Variants in CWF19L2 observed in about 807,000 individuals in gnomAD.
CWF19L2 encodes CWF19-like protein 2.
CWF19L2 carries 98 observed loss-of-function variants against 111.7 expected under a neutral mutation model. That is an observed-to-expected ratio of 0.88 (90% CI 0.75 to 1.04). The LOEUF is 1.04. CWF19L2 is among the 50% of genes least tolerant of loss of function. The probability of loss-of-function intolerance (pLI) is 0.00; values close to 1 mark genes in which losing one functional copy is unlikely to be tolerated. For synonymous variants in CWF19L2, 351 were observed against 342.9 expected (o/e 1.02, Z -0.26); for missense variants, 1,101 against 1,051.4 (o/e 1.05, Z -0.65).
chr11:107,416,625 G>C (rs1298073286), intron 9 of CWF19L2, among the ~76,000 whole-genome samples: 1 of 151,948 alleles, frequency 6.6e-6, no homozygotes, highest in Non-Finnish European at 1.5e-5. Context: ...TTTCAACTTC[G>C]GTTATTGGTA....
intron 12 of CWF19L2, among the ~76,000 whole-genome samples, chr11:107,389,210 A>C (rs1399866463): frequency 6.6e-6 from 1 of 152,212 alleles, no homozygotes; most frequent in African/African-American, 2.4e-5. Flanking sequence ...TCCCACTACC[A>C]AAAAGTAACC....
chr11:107,385,364 C>G (rs960189659), intron 12 of CWF19L2, among the ~76,000 whole-genome samples: 2 of 151,268 alleles, frequency 1.3e-5, no homozygotes, highest in Non-Finnish European at 2.9e-5. Flanking sequence ...ACACATTTGT[C>G]AAGATATTAA....
chr11:107,361,207 G>C (rs1860328418), intron 12 of CWF19L2, among the ~76,000 whole-genome samples: 1 of 152,214 alleles, frequency 6.6e-6, no homozygotes, highest in African/African-American at 2.4e-5. Flanking sequence ...TTACTGAAAA[G>C]AGTATCTTTT....
At chr11:107,393,064 CT>C (rs1860872279) in intron 10 of CWF19L2, among the ~76,000 whole-genome samples, 169 bp from the exon 11 acceptor site, 2 of 152,156 alleles carry the variant, frequency 1.3e-5, no homozygotes, top group South Asian at 4.1e-4. Flanking sequence ...TGAACATAAT[CT>C]TTTGGGGAAA....
intron 16 of CWF19L2, among the ~76,000 whole-genome samples, chr11:107,334,627 A>G (rs1350145519): frequency 1.3e-5 from 2 of 152,360 alleles, no homozygotes; most frequent in East Asian, 3.9e-4. Context: ...AATAGCTGCC[A>G]TAGCCAATTA....
At chr11:107,337,976 A>G (rs940367431) in intron 14 of CWF19L2, among the ~76,000 whole-genome samples, 2 of 152,192 alleles carry the variant, frequency 1.3e-5, no homozygotes, top group African/African-American at 4.8e-5. Context: ...TATCACAACC[A>G]GGATATTGAC....
chr11:107,434,156 G>C (rs1239476163), intron 6 of CWF19L2, among the ~76,000 whole-genome samples: 1 of 151,520 alleles, frequency 6.6e-6, no homozygotes, highest in Non-Finnish European at 1.5e-5. Context: ...TTTCAAACAG[G>C]CAAGGGTAGG....
At chr11:107,353,464 T>A (rs1013492431) in intron 13 of CWF19L2, 60 bp downstream of exon 13, 8 of 1,275,258 alleles carry the variant, frequency 6.3e-6, no homozygotes, top group Non-Finnish European at 7.8e-6. Context: ...CAAGTTATTC[T>A]ATGAAGAAAC....
intron 10 of CWF19L2, chr11:107,403,511 T>C: frequency 1.2e-6 from 1 of 834,304 alleles, no homozygotes; most frequent in Non-Finnish European, 2.1e-6. Flanking sequence ...TGCCATACTG[T>C]CAACCCCCTC....
intron 12 of CWF19L2, among the ~76,000 whole-genome samples, chr11:107,365,094 G>A (rs1460160959): frequency 2.3e-5 from 3 of 130,050 alleles, no homozygotes; most frequent in South Asian, 2.4e-4. Flanking sequence ...TAAATTCCTC[G>A]ACACATACAC....
chr11:107,362,356 T>A (rs371635926), intron 12 of CWF19L2, among the ~76,000 whole-genome samples: 20 of 151,964 alleles, frequency 1.3e-4, no homozygotes, highest in African/African-American at 4.8e-4. Context: ...TCTGTAGGCT[T>A]CACCTCTGGG....
chr11:107,447,996 A>G (rs1565289598), intron 3 of CWF19L2, among the ~76,000 whole-genome samples: 1 of 152,256 alleles, frequency 6.6e-6, no homozygotes, highest in Admixed American at 6.5e-5. Flanking sequence ...AAAATACAGT[A>G]CCTGAAATGA....
intron 1 of CWF19L2, among the ~76,000 whole-genome samples, chr11:107,456,188 G>C (rs1009150080): frequency 6.6e-6 from 1 of 151,998 alleles, no homozygotes; most frequent in Admixed American, 6.6e-5. Flanking sequence ...CCAATACCCA[G>C]CCCCAAAAAT....
chr11:107,342,190 T>C (rs540451458), intron 14 of CWF19L2, among the ~76,000 whole-genome samples: 1 of 152,128 alleles, frequency 6.6e-6, no homozygotes, highest in South Asian at 2.1e-4. Context: ...AATTTCTCTC[T>C]CGGCACTCCC....
At chr11:107,443,124 G>A in intron 3 of CWF19L2, 75 bp from the exon 4 acceptor site, 1 of 1,001,694 alleles carries the variant, frequency 1.0e-6, no homozygotes, top group Non-Finnish European at 1.5e-6. Flanking sequence ...CTGTTAAGTG[G>A]TAGAAATTCA....
chr11:107,337,367 TTGTGTGTGTGTGTG>T (rs5794537), intron 14 of CWF19L2, among the ~76,000 whole-genome samples: 45,291 of 148,158 alleles, frequency 0.31, 6,866 homozygotes, highest in African/African-American at 0.34. Context: ...GGTGTGTGTT[TTGTGTGTGTGTGTG>T]TGTGTGTGTG....
intron 4 of CWF19L2, 123 bp downstream of exon 4, chr11:107,442,816 G>GAGGGAGGT: frequency 2.2e-6 from 1 of 459,282 alleles, no homozygotes; most frequent in Non-Finnish European, 3.9e-6. Context: ...GGGAGGGAGG[G>GAGGGAGGT]AGGGGGAGGG....
intron 12 of CWF19L2, among the ~76,000 whole-genome samples, chr11:107,381,428 A>C (rs541936455): frequency 1.3e-5 from 2 of 152,322 alleles, no homozygotes; most frequent in East Asian, 3.9e-4. Flanking sequence ...TGAATAAACT[A>C]AGTCAATATT....
rs57294810 is a variant in CWF19L2 at position 107,387,052 on chromosome 11, C to CAAA, written c.1872+3019_1872+3021dup. 6.8e-4 allele frequency among the ~76,000 whole-genome samples: 83 copies of CAAA among 122,492 alleles called. 1 individual carries two copies. The highest frequency in any genetic ancestry group is 2.4e-3 in the African/African-American group (81 of 33,262). 80.4% of individuals were successfully genotyped at this position (122,492 alleles called of 152,430 possible). A position where few individuals can be genotyped will look rare whatever the true frequency, so the allele number is the denominator to read the frequency against. ...CTGGTGACAGAGCGAGACCCCGTCTCAAAAAAAAAAAAAGGCTAATGCATC... is the reference window on the plus strand; with the variant it reads ...CTGGTGACAGAGCGAGACCCCGTCTCAAAAAAAAAAAAAAAAGGCTAATGCATC... On this transcript the variant is annotated intron_variant, in intron 12 of 17. Coordinates refer to ENST00000282251, the MANE Select transcript of CWF19L2 (RefSeq NM_152434.3).
Sources: gnomAD v4.1 joint callset for allele counts (sites outside exome capture counted in the v4.1 genomes callset) on GRCh38, gnomAD v4.1.1 for gene constraint, MANE v1.5 for transcripts, NCBI Gene and HGNC (gene_info 2026-07-23, HGNC 2026-07-21) for gene names.